Variants in PCDH11X observed in about 807,000 individuals in gnomAD.
PCDH11X encodes protocadherin 11 X-linked, also known as protocadherin-11 X-linked.
In PCDH11X, 18 loss-of-function variants were observed where a neutral mutation model predicts 53.3. The ratio of observed to expected loss-of-function variants is 0.34; its 90% CI spans 0.23 to 0.50. The LOEUF (loss-of-function observed/expected upper bound fraction) is 0.50, where lower values mean the gene tolerates loss of function less well. PCDH11X is among the 20% of genes least tolerant of loss of function. PCDH11X has a pLI of 0.98. For missense variants in PCDH11X, 570 were observed against 1,032.4 expected, an observed-to-expected ratio of 0.55 and a Z score of 6.14; for synonymous variants, 279 against 393.3, an observed-to-expected ratio of 0.71 and a Z score of 3.44.
intron 8 of PCDH11X, among the ~76,000 whole-genome samples, chrX:92,354,635 C>A (rs890299006): frequency 1.8e-5 from 2 of 111,431 alleles, no homozygotes; most frequent in African/African-American, 6.5e-5. Flanking sequence ...CCACAAACTC[C>A]TTTTATTATG....
At chrX:92,432,197 T>C (rs7880788) in intron 9 of PCDH11X, among the ~76,000 whole-genome samples, 1,507 of 110,460 alleles carry the variant, frequency 0.014, 21 homozygotes, top group East Asian at 0.044. Context: ...ACTTTTTAAA[T>C]GATTCCAAAT....
intron 8 of PCDH11X, among the ~76,000 whole-genome samples, chrX:92,277,187 A>G (rs1368210570): frequency 3.6e-5 from 4 of 110,184 alleles, no homozygotes; most frequent in Non-Finnish European, 7.6e-5. Flanking sequence ...GCAGGAGGGA[A>G]AGAAGGAAGA....
chrX:92,614,252 G>A (rs764976550), intron 10 of PCDH11X, among the ~76,000 whole-genome samples: 4 of 111,203 alleles, frequency 3.6e-5, no homozygotes, highest in African/African-American at 1.3e-4. Flanking sequence ...CTTCTCATCT[G>A]AGAATGTTGG....
intron 6 of PCDH11X, among the ~76,000 whole-genome samples, chrX:92,140,657 T>C (rs2065163629): frequency 8.9e-6 from 1 of 111,905 alleles, no homozygotes; most frequent in African/African-American, 3.2e-5. Flanking sequence ...TACATATAAA[T>C]TTATAGAATA....
At chrX:92,221,212 ATAAAT>A (rs1467263948) in intron 7 of PCDH11X, among the ~76,000 whole-genome samples, 1 of 9,057 alleles carries the variant, frequency 1.1e-4, no homozygotes, top group Non-Finnish European at 1.4e-3. Context: ...TAATAAAAAA[ATAAAT>A]AAAAATAAAT....
In PCDH11X at chrX:91,998,798, A is replaced by G. The variant is rs182544407; in HGVS notation, c.3033+119525A>G. On this transcript the variant is annotated intron_variant, in intron 6 of 10. Transcript: ENST00000682573. ...TGGGGCTCATGCGTTATATTTTCCA[A>G]TATTATCACTATGCCGAATACAGTA... 2.3e-3 allele frequency among the ~76,000 whole-genome samples: 262 copies of G among 111,714 alleles called. 3 individuals are homozygous for G. The highest frequency in any genetic ancestry group is 8.0e-3 in the African/African-American group (248 of 30,817).
chrX:92,486,369 A>AT (rs2073640843), intron 10 of PCDH11X, among the ~76,000 whole-genome samples: 1 of 111,300 alleles, frequency 9.0e-6, no homozygotes, highest in Admixed American at 9.6e-5. Flanking sequence ...AATAGTTTTG[A>AT]TTTTTTCATC....
intron 6 of PCDH11X, among the ~76,000 whole-genome samples, chrX:91,887,875 T>TA (rs1028854910): frequency 3.6e-5 from 4 of 111,447 alleles, no homozygotes. Flanking sequence ...AGAGGCATGT[T>TA]ACATATCTCC....
intron 6 of PCDH11X, among the ~76,000 whole-genome samples, chrX:91,982,236 T>C (rs2147929290): frequency 9.2e-6 from 1 of 108,630 alleles, no homozygotes; most frequent in Admixed American, 9.9e-5. Flanking sequence ...AGAGTCCCAT[T>C]CAGGTGAGTT....
In PCDH11X at chrX:92,113,206, T is replaced by A. The variant is rs140357043; in HGVS notation, c.3034-88169T>A. 9,968 of 1,154,222 alleles carry A rather than the reference T, an allele frequency of 8.6e-3. 467 individuals carry two copies. The African/African-American group carries it at 0.091, about 11-fold the overall frequency. ...CTGCTGCTCCTCAGCCCCCCGAGAT[T>A]GAGCCCTGGCTGGGGCTGGGTGGCA... On this transcript the variant is annotated intron_variant, in intron 6 of 10. Coordinates refer to ENST00000682573, the MANE Select transcript of PCDH11X (RefSeq NM_032968.5).
At chrX:92,003,952 T>C (rs2062554089) in intron 6 of PCDH11X, among the ~76,000 whole-genome samples, 1 of 109,877 alleles carries the variant, frequency 9.1e-6, no homozygotes, top group South Asian at 3.9e-4. Flanking sequence ...CTTACTTTTC[T>C]AGTTCTTTAA....
At chrX:92,347,513 G>A (rs977991082) in intron 8 of PCDH11X, among the ~76,000 whole-genome samples, 8 of 111,812 alleles carry the variant, frequency 7.2e-5, no homozygotes, top group African/African-American at 2.3e-4. Flanking sequence ...AGAGGCTTCC[G>A]GGTAGAAATG....
At chrX:91,942,290 A>G (rs1272289480) in intron 6 of PCDH11X, among the ~76,000 whole-genome samples, 2 of 110,925 alleles carry the variant, frequency 1.8e-5, no homozygotes, top group Non-Finnish European at 3.8e-5. Flanking sequence ...TTTGAAAAAA[A>G]TCAGTAAAAT....
At chrX:91,943,232 T>C (rs2061531592) in intron 6 of PCDH11X, among the ~76,000 whole-genome samples, 1 of 100,262 alleles carries the variant, frequency 1.0e-5, no homozygotes, top group Admixed American at 1.1e-4. Flanking sequence ...GTACACCAAG[T>C]GTGAACCCAA....
rs182424954 is a variant in PCDH11X at position 92,205,639 on chromosome X, C to T, written c.3114+4184C>T. On this transcript the variant is annotated intron_variant, in intron 7 of 10. Transcript: ENST00000682573. ...TTTTGAGACTGAGTTTTGCTCTTGT[C>T]GCCCAGGCTAGAGTGCAATGGAATG... Among the ~76,000 whole-genome samples, 48 of 95,881 alleles carry T rather than the reference C, an allele frequency of 5.0e-4. 1 individual carries two copies. In the East Asian group the frequency reaches 0.012, roughly 24 times the overall value. The allele number at this position is 95,881 out of a possible 115,157, so 83.3% of individuals were successfully genotyped here.
intron 6 of PCDH11X, among the ~76,000 whole-genome samples, chrX:91,981,648 G>T (rs1432240625): frequency 5.4e-5 from 6 of 111,605 alleles, no homozygotes; most frequent in Non-Finnish European, 1.1e-4. Context: ...ATAAAAGAAA[G>T]AGGTTTATTG....
chrX:91,983,087 C>T lies in PCDH11X; in HGVS notation c.3033+103814C>T. On this transcript the variant is annotated intron_variant, in intron 6 of 10. Transcript: ENST00000682573. Reference sequence around the variant, plus strand: ...CCTTGTAACCCAGCACCAGAGCAGCCCGGATGGAAGGCCCAGCAATGTCGA... The same window carrying T: ...CCTTGTAACCCAGCACCAGAGCAGCTCGGATGGAAGGCCCAGCAATGTCGA... 9 of 1,130,816 alleles carry T rather than the reference C, an allele frequency of 8.0e-6. No homozygotes were observed. In the South Asian group the frequency reaches 1.6e-4, roughly 21 times the overall value. 93.2% of individuals were successfully genotyped at this position (1,130,816 alleles called of 1,213,427 possible).
intron 8 of PCDH11X, among the ~76,000 whole-genome samples, chrX:92,331,344 T>TCTTCTTC (rs2069480589): frequency 1.3e-5 from 1 of 79,527 alleles, no homozygotes; most frequent in Non-Finnish European, 2.3e-5. Flanking sequence ...CTTCCTTCCT[T>TCTTCTTC]TTCCCCCTCC....
chrX:92,263,003 CT>C lies in PCDH11X; in HGVS notation c.3115-103del, dbSNP rs1358987771. 9 of 1,032,223 alleles carry C rather than the reference CT, an allele frequency of 8.7e-6. No homozygotes were observed. The East Asian group carries it at 1.0e-4, about 12-fold the overall frequency. 85.1% of individuals were successfully genotyped at this position (1,032,223 alleles called of 1,213,427 possible). A position where few individuals can be genotyped will look rare whatever the true frequency, so the allele number is the denominator to read the frequency against. The stretch of plus-strand genomic sequence containing the variant: ...CCATTGCACTGGGAATGTTGACATG[CT>C]TTTTTTTCAAAAAAAAAAAAAATGT... On this transcript the variant is annotated intron_variant, in intron 7 of 10. Coordinates refer to ENST00000682573, the MANE Select transcript of PCDH11X (RefSeq NM_032968.5).
Sources: allele counts gnomAD v4.1 joint callset (sites outside exome capture counted in the v4.1 genomes callset), GRCh38; gene constraint gnomAD v4.1.1; transcripts MANE v1.5; gene names NCBI Gene and HGNC (gene_info 2026-07-23, HGNC 2026-07-21).